The following GPHN variants were observed in gnomAD, a reference collection of about 807,000 sequenced individuals.
GPHN encodes the protein gephyrin.
In GPHN, 17 loss-of-function variants were observed where a neutral mutation model predicts 95.5. That is an observed-to-expected ratio of 0.18 (90% CI 0.12 to 0.27). The LOEUF is 0.27. Among genes scored for constraint, GPHN ranks in the 10% least tolerant of loss-of-function variants. The pLI is 1.00. For synonymous variants in GPHN, 320 were observed against 322.5 expected (o/e 0.99, Z 0.08); for missense variants, 660 against 978.1 (o/e 0.67, Z 4.34).
Position 66,700,538 on chromosome 14 carries a change from A to T in GPHN, c.143+19353A>T, listed in dbSNP as rs143797589. Among the ~76,000 whole-genome samples, 1,118 of 152,226 alleles carry T rather than the reference A, an allele frequency of 7.3e-3. 4 individuals carry two copies. The highest frequency in any genetic ancestry group is 9.6e-3 in the Admixed American group (147 of 15,294). On this transcript the variant is annotated intron_variant, in intron 2 of 22. Transcript: ENST00000478722. ...ATTATTGGTCTGGGACAACTCGGGG[A>T]TGAAGGATTTTACTTAATTTTTCTA...
the GPHN span, chr14:67,562,712 C>A: frequency 6.2e-7 from 1 of 1,613,214 alleles, no homozygotes; most frequent in Non-Finnish European, 8.5e-7. Context: ...CCCCTCTGGC[C>A]TTCCTGAGCT....
At chr14:67,291,499 G>A in the GPHN span, among the ~76,000 whole-genome samples, 1 of 152,062 alleles carries the variant, frequency 6.6e-6, no homozygotes, top group Non-Finnish European at 1.5e-5. Flanking sequence ...TGGCCAGGCT[G>A]GTCTCGAACT....
rs201353706 is a variant in GPHN, at chr14:66,992,373, AAAAAAGTCAAGGGAGG to A, written c.963+27050_963+27065del. On this transcript the variant is annotated intron_variant, in intron 9 of 22. Transcript: ENST00000478722. ...AAATTAAAGGATGGTATTTAAAGTG[AAAAAAGTCAAGGGAGG>A]AGTTGTCACCCAAAATAAGACTACC... Among the ~76,000 whole-genome samples, 25 of 152,344 alleles carry A rather than the reference AAAAAAGTCAAGGGAGG, an allele frequency of 1.6e-4. No individual in the cohort carries two copies. The East Asian group carries it at 4.8e-3, about 29-fold the overall frequency.
At position 67,006,753 on chromosome 14, in the gene GPHN, A is replaced by ATT. The variant is rs534234029; in HGVS notation, c.964-16880_964-16879insTT. Among the ~76,000 whole-genome samples, 6 of 152,270 alleles carry ATT rather than the reference A, an allele frequency of 3.9e-5. No homozygotes were observed. The South Asian group carries it at 1.0e-3, about 26-fold the overall frequency. ...GTGGAGGTTAGGAGTCCCTTCACAG[A>ATT]ATGCACTTGGGTGGAAGAGTAGGAA... On this transcript the variant is annotated intron_variant, in intron 9 of 22. Transcript: ENST00000478722.
chr14:67,137,132 G>A (rs2080127823), intron 17 of GPHN, among the ~76,000 whole-genome samples: 2 of 151,246 alleles, frequency 1.3e-5, no homozygotes, highest in African/African-American at 4.8e-5. Flanking sequence ...CTCCAGCCTG[G>A]GTGACAGAGC....
intron 4 of GPHN, among the ~76,000 whole-genome samples, chr14:66,852,809 C>A (rs1003950095): frequency 1.3e-5 from 2 of 152,176 alleles, no homozygotes; most frequent in East Asian, 3.8e-4. Context: ...TTAGTGAACT[C>A]TCATTTGATG....
chr14:67,473,070 G>A, the GPHN span: 3 of 258,248 alleles, frequency 1.2e-5, no homozygotes, highest in South Asian at 6.4e-5. This position sits in a 1 kb window ranked among gnomAD's most constrained non-coding sequence, Gnocchi z 6.5. Flanking sequence ...TCCCACCTGC[G>A]GCCCCATTCT....
At chr14:67,725,056 C>G in the GPHN span, 2 of 1,609,900 alleles carry the variant, frequency 1.2e-6, no homozygotes, top group Non-Finnish European at 1.7e-6. Flanking sequence ...TCCTTTATAG[C>G]CTAGGATATG....
chr14:67,508,753 C>CAAAAAAAAAATAAAAGAA, the GPHN span, among the ~76,000 whole-genome samples: 1 of 46,714 alleles, frequency 2.1e-5, no homozygotes, highest in African/African-American at 6.6e-5. Flanking sequence ...AACCTTGTCT[C>CAAAAAAAAAATAAAAGAA]AAAAAAAAAA....
At chr14:67,397,526 G>T in the GPHN span, 1 of 679,608 alleles carries the variant, frequency 1.5e-6, no homozygotes, top group South Asian at 2.4e-5. Flanking sequence ...GGTATGTGGC[G>T]GAGCCAGGAT....
intron 1 of GPHN, among the ~76,000 whole-genome samples, chr14:66,662,053 C>T (rs1332645147): frequency 6.6e-6 from 1 of 152,238 alleles, no homozygotes; most frequent in Admixed American, 6.5e-5. Flanking sequence ...GAGGAGTGGG[C>T]TGCCATTTTT....
chr14:67,221,182 C>T, the GPHN span, among the ~76,000 whole-genome samples: 4 of 152,204 alleles, frequency 2.6e-5, no homozygotes, highest in African/African-American at 9.7e-5. Flanking sequence ...ATCTAAAAAA[C>T]TGCTAGCCTC....
At chr14:67,381,537 A>C in the GPHN span, 1 of 1,399,366 alleles carries the variant, frequency 7.1e-7, no homozygotes, top group Non-Finnish European at 1.0e-6. Flanking sequence ...GATTTCCTTT[A>C]AACTTTTAAA....
At chr14:67,386,913 TTGTA>T in the GPHN span, 8,773 of 153,874 alleles carry the variant, frequency 0.057, 514 homozygotes, top group African/African-American at 0.15. Flanking sequence ...ACTATAAACT[TTGTA>T]TGGGATTCTA....
At chr14:67,300,255 T>G in the GPHN span, among the ~76,000 whole-genome samples, 1 of 151,860 alleles carries the variant, frequency 6.6e-6, no homozygotes, top group African/African-American at 2.4e-5. Context: ...TCTCTTGGGT[T>G]TCATAGGAAA....
the GPHN span, among the ~76,000 whole-genome samples, chr14:67,407,575 G>A: frequency 6.1e-3 from 928 of 151,890 alleles, 10 homozygotes; most frequent in African/African-American, 0.02. Flanking sequence ...CAAGCAGCTG[G>A]GACTACAAGC....
At chr14:67,584,426 G>A in the GPHN span, among the ~76,000 whole-genome samples, 4 of 152,122 alleles carry the variant, frequency 2.6e-5, no homozygotes, top group African/African-American at 4.8e-5. Context: ...TTTAAAGTTT[G>A]AAAGAACAAT....
the GPHN span, among the ~76,000 whole-genome samples, chr14:67,563,877 G>A: frequency 2.7e-5 from 4 of 150,554 alleles, no homozygotes; most frequent in African/African-American, 4.9e-5. Context: ...GGAATTACAG[G>A]TGTGTGCCAC....
intron 8 of GPHN, among the ~76,000 whole-genome samples, chr14:66,956,422 A>G (rs1023005583): frequency 9.2e-5 from 14 of 152,084 alleles, no homozygotes; most frequent in Non-Finnish European, 2.1e-4. Flanking sequence ...GCTGGGTCAA[A>G]TGGTATTTCC....
Sources: allele counts gnomAD v4.1 joint callset (sites outside exome capture counted in the v4.1 genomes callset), GRCh38; gene constraint gnomAD v4.1.1; non-coding constraint Gnocchi (gnomAD v3.1); transcripts MANE v1.5; gene names NCBI Gene and HGNC (gene_info 2026-07-23, HGNC 2026-07-21).